Variants in ETV1 observed in about 807,000 individuals in gnomAD.
ETV1 encodes the protein ETS variant transcription factor 1, also known as ETS translocation variant 1.
In ETV1, 27 loss-of-function variants were observed where a neutral mutation model predicts 62.3. The observed-to-expected ratio is 0.43, with a 90% CI of 0.32 to 0.60. ETV1 has a LOEUF of 0.60. Ranked by LOEUF, ETV1 falls within the 20% of genes least tolerant of loss-of-function variation. The pLI is 0.06. For missense variants in ETV1, 605 were observed against 605.8 expected, an observed-to-expected ratio of 1.00 and a Z score of 0.01; for synonymous variants, 222 against 199.6, an observed-to-expected ratio of 1.11 and a Z score of -0.94.
At chr7:13,967,373 G>C (rs1177092095) in intron 6 of ETV1, among the ~76,000 whole-genome samples, 1 of 151,982 alleles carries the variant, frequency 6.6e-6, no homozygotes, top group Non-Finnish European at 1.5e-5. Flanking sequence ...CTAAACTCTA[G>C]ATTTACAAAA....
intron 6 of ETV1, among the ~76,000 whole-genome samples, chr7:13,963,480 C>T (rs2282869): frequency 0.19 from 28,253 of 149,254 alleles, 4,445 homozygotes; most frequent in African/African-American, 0.43. Context: ...TATTCACAAC[C>T]ATTGAAATTT....
chr7:13,973,917 T>A (rs2128496619), intron 6 of ETV1, among the ~76,000 whole-genome samples: 1 of 152,248 alleles, frequency 6.6e-6, no homozygotes, highest in South Asian at 2.1e-4. Context: ...TGAAGATGCT[T>A]AGGAGGAAAT....
intron 5 of ETV1, among the ~76,000 whole-genome samples, chr7:13,979,704 T>C (rs1382790276): frequency 6.6e-6 from 1 of 152,150 alleles, no homozygotes; most frequent in Non-Finnish European, 1.5e-5. Flanking sequence ...TACTGGGCTT[T>C]TAAAAAGCCA....
chr7:13,934,131 C>T (rs1278673347), intron 8 of ETV1, among the ~76,000 whole-genome samples: 3 of 152,098 alleles, frequency 2.0e-5, no homozygotes, highest in Admixed American at 6.5e-5. Context: ...TAATGGCCCA[C>T]CCTGCAATAA....
At chr7:13,934,022 G>A (rs773071905) in intron 8 of ETV1, among the ~76,000 whole-genome samples, 3 of 152,184 alleles carry the variant, frequency 2.0e-5, no homozygotes, top group Non-Finnish European at 2.9e-5. Context: ...GTGAGATTCA[G>A]TTATCAAGAA....
At chr7:13,902,861 C>T (rs1012057581) in intron 12 of ETV1, among the ~76,000 whole-genome samples, 1 of 152,064 alleles carries the variant, frequency 6.6e-6, no homozygotes, top group Non-Finnish European at 1.5e-5. Flanking sequence ...CTTATCATGC[C>T]AGTTCATTCT....
At chr7:13,980,134 A>C (rs1233707198) in intron 5 of ETV1, among the ~76,000 whole-genome samples, 1 of 152,182 alleles carries the variant, frequency 6.6e-6, no homozygotes, top group East Asian at 1.9e-4. Flanking sequence ...TTTTAACAAA[A>C]AACATATGAC....
intron 6 of ETV1, among the ~76,000 whole-genome samples, chr7:13,961,451 C>A (rs1190539999): frequency 6.6e-6 from 1 of 152,090 alleles, no homozygotes; most frequent in African/African-American, 2.4e-5. Context: ...TAGCAATGAT[C>A]ATAAAATTAG....
chr7:13,917,176 T>C (rs1784266289), intron 9 of ETV1, among the ~76,000 whole-genome samples: 1 of 152,076 alleles, frequency 6.6e-6, no homozygotes. Flanking sequence ...GATTATATGA[T>C]CTACTAGGCT....
intron 12 of ETV1, chr7:13,906,124 T>A (rs1282785027): frequency 9.1e-6 from 2 of 219,076 alleles, no homozygotes; most frequent in Non-Finnish European, 1.8e-5. Context: ...CCTGCCTCTT[T>A]TCTCTAATTC....
chr7:13,909,559 G>A, intron 11 of ETV1, 73 bp downstream of exon 11: 6 of 1,117,910 alleles, frequency 5.4e-6, no homozygotes, highest in Non-Finnish European at 8.1e-6. Context: ...GATGTCCACT[G>A]TTTTCAGAAG....
In ETV1 at chr7:13,989,456, C is replaced by A; in HGVS notation, c.-276G>T. On this transcript the variant is annotated 5_prime_UTR_variant, in exon 2 of 14. The change creates a new upstream start codon in the 5' untranslated region. Coordinates refer to ENST00000430479, the MANE Select transcript of ETV1 (RefSeq NM_004956.5). The stretch of plus-strand genomic sequence containing the variant: ...GCGATCAACGAGACTTGCTTTGCAC[C>A]TAACGGGACTAAAGAGACGGAGACA... 2.4e-6 allele frequency: 1 copy of A among 418,060 alleles called. No homozygotes were observed. Among genetic ancestry groups the A allele is most frequent in the Non-Finnish European group, 4.2e-6 (1 of 238,500 alleles). The allele number at this position is 418,060 out of a possible 1,614,324, so 25.9% of individuals were successfully genotyped here. A position where few individuals can be genotyped will look rare whatever the true frequency, so the allele number is the denominator to read the frequency against.
In ETV1 at chr7:13,986,647, G is replaced by A. The variant is rs1209187179; in HGVS notation, c.172C>T (p.Leu58Phe). 2 of 1,612,400 alleles carry A rather than the reference G, an allele frequency of 1.2e-6. No individual in the cohort carries two copies. Among genetic ancestry groups the A allele is most frequent in the South Asian group, 1.1e-5 (1 of 90,660 alleles). The change falls in exon 5 of 14, where the codon CTT becomes TTT. Residue 58 changes from leucine to phenylalanine, a missense_variant. By Grantham distance (22) the Leu-to-Phe change is conservative. This residue lies in a region of ETV1 where 426 missense variants were observed against 377.8 expected (regional missense o/e 1.13). Coordinates refer to ENST00000430479, the MANE Select transcript of ETV1 (RefSeq NM_004956.5). ...GCAAATTTTGCCTTACCTTCTGCAA[G>A]CCATGTTTCCTGTAATTGACTTAGA... ...QDLSQLQETW[L>F]AEAQVPDNDE... is the part of the protein sequence containing the mutation.
rs538213769 is a variant in ETV1 at position 13,904,028 on chromosome 7, C to T, written c.1110+2402G>A. 3.9e-5 allele frequency among the ~76,000 whole-genome samples: 6 copies of T among 152,200 alleles called. No homozygotes were observed. The South Asian group carries it at 6.2e-4, about 16-fold the overall frequency. On this transcript the variant is annotated intron_variant, in intron 12 of 13. Coordinates refer to ENST00000430479, the MANE Select transcript of ETV1 (RefSeq NM_004956.5). The stretch of plus-strand genomic sequence containing the variant: ...AAGATGGCTTCAGAGACATCTTTCA[C>T]GGACTGTGCTGACACAGGCACCCAA...
chr7:13,916,097 G>A (rs1784126097), intron 9 of ETV1, among the ~76,000 whole-genome samples: 1 of 152,210 alleles, frequency 6.6e-6, no homozygotes, highest in Admixed American at 6.5e-5. Context: ...AGGCAGCAAA[G>A]CTGGAGAAAT....
Position 13,989,081 on chromosome 7 carries a change from G to A in ETV1, c.-29C>T. On this transcript the variant is annotated 5_prime_UTR_variant, in exon 3 of 14. Transcript: ENST00000430479. ...GCTGCTCTTCGCAAATCTCAGCTCA[G>A]TATTTTATATTTTGAGCATTTAGCT... is the stretch of plus-strand genomic sequence containing the variant. 2.6e-6 allele frequency: 4 copies of A among 1,536,100 alleles called. No individual in the cohort carries two copies. Among genetic ancestry groups the A allele is most frequent in the Non-Finnish European group, 3.5e-6 (4 of 1,144,732 alleles).
intron 5 of ETV1, among the ~76,000 whole-genome samples, chr7:13,985,018 A>C (rs958489639): frequency 2.0e-5 from 3 of 152,018 alleles, no homozygotes; most frequent in African/African-American, 7.2e-5. Context: ...GTTGCTATGC[A>C]CATTCAAAAT....
intron 9 of ETV1, among the ~76,000 whole-genome samples, chr7:13,925,773 GT>G (rs1407237553): frequency 6.6e-6 from 1 of 151,544 alleles, no homozygotes; most frequent in Non-Finnish European, 1.5e-5. Flanking sequence ...TTTCACCGTG[GT>G]CTTGATCTCC....
In ETV1 at chr7:13,915,980, G is replaced by A. The variant is rs28419497; in HGVS notation, c.803-4673C>T. On this transcript the variant is annotated intron_variant, in intron 9 of 13. Coordinates refer to ENST00000430479, the MANE Select transcript of ETV1 (RefSeq NM_004956.5). ...AATGTAACATCTTAGTTACTGAACT[G>A]GATGTGAATGTAACATCTTAGTTAC... Among the ~76,000 whole-genome samples, 58 of 151,816 alleles carry A rather than the reference G, an allele frequency of 3.8e-4. 1 individual carries two copies. The South Asian group carries it at 0.012, about 31-fold the overall frequency.
Sources: allele counts gnomAD v4.1 joint callset (sites outside exome capture counted in the v4.1 genomes callset), GRCh38; gene constraint gnomAD v4.1.1; regional missense constraint gnomAD v4.1.1; transcripts MANE v1.5; gene names NCBI Gene and HGNC (gene_info 2026-07-23, HGNC 2026-07-21).